LRFN5: variants seen among roughly 807,000 people sequenced by gnomAD.
LRFN5 encodes leucine-rich repeat and fibronectin type-III domain-containing protein 5.
LRFN5 carries 24 observed loss-of-function variants against 45.6 expected under a neutral mutation model. The ratio of observed to expected loss-of-function variants is 0.53; its 90% CI spans 0.38 to 0.74. LRFN5 has a LOEUF of 0.74. Among genes scored for constraint, LRFN5 ranks in the 30% least tolerant of loss-of-function variants. LRFN5 has a pLI of 0.00. For synonymous variants in LRFN5, 340 were observed against 313.8 expected (o/e 1.08, Z -0.88); for missense variants, 776 against 861.5 (o/e 0.90, Z 1.24).
chr14:41,726,894 G>A (rs1883959506), intron 1 of LRFN5, among the ~76,000 whole-genome samples: 2 of 152,138 alleles, frequency 1.3e-5, no homozygotes, highest in Non-Finnish European at 2.9e-5. Context: ...ACAAAAGGCT[G>A]TAATTGTATG....
intron 2 of LRFN5, among the ~76,000 whole-genome samples, chr14:41,822,663 T>C (rs1888152341): frequency 6.6e-6 from 1 of 152,040 alleles, no homozygotes. Flanking sequence ...TAGGTTCATT[T>C]GGTCTAGCAT....
chr14:41,827,781 A>G (rs1431171624), intron 2 of LRFN5, among the ~76,000 whole-genome samples: 1 of 152,058 alleles, frequency 6.6e-6, no homozygotes, highest in African/African-American at 2.4e-5. Context: ...TTTGTTTATA[A>G]TTGCCTGAAA....
rs1890627532 is a variant in LRFN5 at position 41,887,742 on chromosome 14, C to T, written c.1117C>T (p.His373Tyr). 6.2e-7 allele frequency: 1 copy of T among 1,613,984 alleles called. No homozygotes were observed. Among genetic ancestry groups the T allele is most frequent in the Non-Finnish European group, 8.5e-7 (1 of 1,180,020 alleles). ...AGEATQIVDL[H>Y]IIKLPHLLNS... ...GGAAGCAACACAAATAGTGGATCTTCATATAATTAAGCTCCCTCACTTACT... is the reference window on the plus strand; with the variant it reads ...GGAAGCAACACAAATAGTGGATCTTTATATAATTAAGCTCCCTCACTTACT... The change falls in exon 3 of 6, where the codon CAT (histidine) becomes TAT (tyrosine). Residue 373 changes from histidine to tyrosine, a missense_variant. Physicochemically the swap from His to Tyr is moderately conservative, Grantham distance 83. This residue lies in a region of LRFN5 where 465 missense variants were observed against 456.4 expected (regional missense o/e 1.02). Transcript: ENST00000298119. This position sits in a 1 kb window ranked among gnomAD's most constrained non-coding sequence, Gnocchi z 4.8.
Position 41,682,058 on chromosome 14 carries a change from TCCGCCTGCC to T in LRFN5, c.-197+73497_-197+73505del, listed in dbSNP as rs1418385848. Among the ~76,000 whole-genome samples the T allele has an allele frequency of 3.9e-3, 591 of 151,926 alleles. 1 individual carries two copies. Among genetic ancestry groups the T allele is most frequent in the Non-Finnish European group, 6.1e-3 (414 of 67,962 alleles). ...GTCTAGAACTCCTGACCTCAAGTGA[TCCGCCTGCC>T]TTGGCCTCCCAAAATGCTGGGATTA... On this transcript the variant is annotated intron_variant, in intron 1 of 5. Transcript: ENST00000298119.
chr14:41,639,870 C>T (rs913730240), intron 1 of LRFN5, among the ~76,000 whole-genome samples: 2 of 151,550 alleles, frequency 1.3e-5, no homozygotes, highest in Non-Finnish European at 2.9e-5. Context: ...GCAGCCTTGA[C>T]CTCCCTGGCT....
At chr14:41,700,036 C>G (rs1252943522) in intron 1 of LRFN5, 1 of 151,952 alleles carries the variant, frequency 6.6e-6, no homozygotes, top group African/African-American at 2.4e-5. Context: ...CATTACAAAG[C>G]CTTTTAAAGC....
At chr14:41,682,321 C>T (rs1360381716) in intron 1 of LRFN5, among the ~76,000 whole-genome samples, 2 of 151,654 alleles carry the variant, frequency 1.3e-5, no homozygotes, top group Non-Finnish European at 2.9e-5. Context: ...AAGATACAAA[C>T]AAACAACAAA....
chr14:41,848,529 G>A (rs1314611845), intron 2 of LRFN5, among the ~76,000 whole-genome samples: 1 of 151,856 alleles, frequency 6.6e-6, no homozygotes, highest in Non-Finnish European at 1.5e-5. Context: ...AGGAGTTAGA[G>A]TGTGAACAAT....
chr14:41,634,601 T>A (rs1461344451), intron 1 of LRFN5, among the ~76,000 whole-genome samples: 1 of 152,176 alleles, frequency 6.6e-6, no homozygotes, highest in Non-Finnish European at 1.5e-5. Context: ...ACATAGGTCC[T>A]GAAAAGTTGA....
chr14:41,638,153 T>C (rs1302130387), intron 1 of LRFN5, among the ~76,000 whole-genome samples: 1 of 152,062 alleles, frequency 6.6e-6, no homozygotes, highest in Non-Finnish European at 1.5e-5. Flanking sequence ...TCTACTCAGC[T>C]CATAGAAATT....
chr14:41,661,831 A>G (rs1201898283), intron 1 of LRFN5, among the ~76,000 whole-genome samples: 2 of 152,072 alleles, frequency 1.3e-5, no homozygotes, highest in Admixed American at 1.3e-4. Flanking sequence ...ATAGAACAAC[A>G]ATAAACCTAT....
At chr14:41,609,939 C>A (rs556568158) in intron 1 of LRFN5, among the ~76,000 whole-genome samples, 1 of 152,374 alleles carries the variant, frequency 6.6e-6, no homozygotes, top group Non-Finnish European at 1.5e-5. Flanking sequence ...GATAGCTGCT[C>A]TGCTTGTCCC....
intron 2 of LRFN5, among the ~76,000 whole-genome samples, chr14:41,865,577 G>T (rs1889812485): frequency 6.6e-6 from 1 of 152,064 alleles, no homozygotes; most frequent in Non-Finnish European, 1.5e-5. Context: ...TCTCTGGTGT[G>T]TAATTAGGAA....
intron 1 of LRFN5, among the ~76,000 whole-genome samples, chr14:41,684,218 A>T (rs77181728): frequency 0.015 from 2,263 of 152,278 alleles, 12 homozygotes; most frequent in African/African-American, 0.021. Context: ...TTGCCTGGAA[A>T]CCTGGGTATC....
chr14:41,902,906 G>A (rs532464178), intron 5 of LRFN5, among the ~76,000 whole-genome samples: 2 of 151,470 alleles, frequency 1.3e-5, no homozygotes, highest in Non-Finnish European at 3.0e-5. Flanking sequence ...AAATAAAGAA[G>A]AATTTAGTAA....
intron 1 of LRFN5, among the ~76,000 whole-genome samples, chr14:41,734,833 C>T (rs1219672175): frequency 6.6e-6 from 1 of 151,538 alleles, no homozygotes. Flanking sequence ...AAGGGTTTTG[C>T]TTGTGGTTAC....
chr14:41,650,237 A>ACACACG (rs1491232398), intron 1 of LRFN5, among the ~76,000 whole-genome samples: 1 of 43,338 alleles, frequency 2.3e-5, no homozygotes, highest in African/African-American at 9.9e-5. Context: ...CTACAAAAAT[A>ACACACG]CACACACACA....
intron 1 of LRFN5, among the ~76,000 whole-genome samples, chr14:41,752,700 T>C (rs1316606194): frequency 2.0e-5 from 3 of 152,230 alleles, no homozygotes; most frequent in African/African-American, 7.2e-5. Flanking sequence ...AAAAATTTTC[T>C]GCCATTCTGT....
chr14:41,830,897 C>T (rs1054372229), intron 2 of LRFN5, among the ~76,000 whole-genome samples: 1 of 152,210 alleles, frequency 6.6e-6, no homozygotes, highest in African/African-American at 2.4e-5. Flanking sequence ...TCTCATCTGA[C>T]TGCAACAGCC....
Sources: gnomAD v4.1 joint callset for allele counts (sites outside exome capture counted in the v4.1 genomes callset) on GRCh38, gnomAD v4.1.1 for gene constraint, gnomAD v4.1.1 regional missense constraint, Gnocchi (gnomAD v3.1) non-coding constraint, MANE v1.5 for transcripts, NCBI Gene and HGNC (gene_info 2026-07-23, HGNC 2026-07-21) for gene names.